NRXN3: variants seen among roughly 807,000 people sequenced by gnomAD.
NRXN3 encodes neurexin 3.
In NRXN3, 32 loss-of-function variants were observed where a neutral mutation model predicts 137.6. That is an observed-to-expected ratio of 0.23 (90% CI 0.18 to 0.31). The LOEUF (loss-of-function observed/expected upper bound fraction) is 0.31, where lower values mean the gene tolerates loss of function less well. NRXN3 is among the 10% of genes least tolerant of loss of function. The pLI, the probability that NRXN3 is intolerant of heterozygous loss-of-function variation, is 1.00. For missense variants in NRXN3, 1,574 were observed against 2,062.5 expected, an observed-to-expected ratio of 0.76 and a Z score of 4.59; for synonymous variants, 798 against 784.5, an observed-to-expected ratio of 1.02 and a Z score of -0.29.
intron 4 of NRXN3, among the ~76,000 whole-genome samples, chr14:78,459,451 C>T (rs1027242218): frequency 5.3e-5 from 8 of 152,186 alleles, no homozygotes; most frequent in Non-Finnish European, 5.9e-5. Flanking sequence ...ATCAGCCTCT[C>T]GTCCTGCTCC....
chr14:78,992,120 G>T (rs905691572), intron 15 of NRXN3, among the ~76,000 whole-genome samples: 1 of 152,174 alleles, frequency 6.6e-6, no homozygotes, highest in African/African-American at 2.4e-5. Context: ...CATAGTTTTA[G>T]ATATGACCTT....
intron 8 of NRXN3, among the ~76,000 whole-genome samples, chr14:78,764,714 G>T (rs1451203435): frequency 6.6e-6 from 1 of 152,150 alleles, no homozygotes; most frequent in African/African-American, 2.4e-5. Flanking sequence ...GGAAATGCGT[G>T]GTCATTTCCT....
intron 8 of NRXN3, among the ~76,000 whole-genome samples, chr14:78,717,082 C>CAACAAAG (rs2098437510): frequency 6.6e-6 from 1 of 152,136 alleles, no homozygotes; most frequent in African/African-American, 2.4e-5. Flanking sequence ...TGTTGCAGAT[C>CAACAAAG]TTCTGTTGTC....
chr14:79,836,416 C>T (rs981588535), intron 20 of NRXN3, among the ~76,000 whole-genome samples: 1 of 152,102 alleles, frequency 6.6e-6, no homozygotes, highest in East Asian at 1.9e-4. Context: ...GGAAATGTTA[C>T]ACTTGTAGTA....
chr14:78,854,428 CA>C (rs2099051167), intron 10 of NRXN3, among the ~76,000 whole-genome samples: 1 of 151,496 alleles, frequency 6.6e-6, no homozygotes, highest in Admixed American at 6.6e-5. Flanking sequence ...AATCGATAGG[CA>C]AAAAAAGATC....
intron 6 of NRXN3, among the ~76,000 whole-genome samples, chr14:78,699,270 G>A (rs1168563516): frequency 2.0e-5 from 3 of 149,642 alleles, no homozygotes; most frequent in African/African-American, 7.4e-5. Flanking sequence ...TGTGCTTCAA[G>A]TGGCGAATAG....
intron 16 of NRXN3, among the ~76,000 whole-genome samples, chr14:79,589,550 T>TAAAAAAAAAAAAAAAAAAAAAAAAAAAAA (rs58740411): frequency 1.1e-5 from 1 of 87,060 alleles, no homozygotes; most frequent in Non-Finnish European, 2.1e-5. Context: ...GTAGAATACC[T>TAAAAAAAAAAAAAAAAAAAAAAAAAAAAA]AAAAAAAAAA....
At chr14:79,186,925 C>T (rs1003202115) in intron 15 of NRXN3, among the ~76,000 whole-genome samples, 7 of 152,136 alleles carry the variant, frequency 4.6e-5, no homozygotes, top group South Asian at 4.2e-4. Context: ...GTTGCAGCAT[C>T]GATTCTGGCA....
At chr14:78,624,142 A>T in intron 4 of NRXN3, among the ~76,000 whole-genome samples, 1 of 152,232 alleles carries the variant, frequency 6.6e-6, no homozygotes, top group East Asian at 1.9e-4. Flanking sequence ...ATAGCTGAAT[A>T]GTCAAAATGC....
At chr14:79,483,678 G>C (rs2096628683) in intron 16 of NRXN3, among the ~76,000 whole-genome samples, 1 of 152,116 alleles carries the variant, frequency 6.6e-6, no homozygotes, top group Non-Finnish European at 1.5e-5. Context: ...TTGGTCAGAA[G>C]GCTTTGTGTG....
At chr14:79,509,649 A>C (rs2096913783) in intron 16 of NRXN3, among the ~76,000 whole-genome samples, 2 of 151,898 alleles carry the variant, frequency 1.3e-5, no homozygotes, top group Admixed American at 1.3e-4. Context: ...TTACCACTAA[A>C]AAAGATATGT....
intron 4 of NRXN3, among the ~76,000 whole-genome samples, chr14:78,341,098 T>C (rs993697396): frequency 6.6e-6 from 1 of 152,220 alleles, no homozygotes; most frequent in African/African-American, 2.4e-5. Flanking sequence ...GATTCACATT[T>C]AACTGGACAG....
At chr14:79,780,036 A>G (rs886320315) in intron 19 of NRXN3, among the ~76,000 whole-genome samples, 2 of 152,178 alleles carry the variant, frequency 1.3e-5, no homozygotes, top group Admixed American at 1.3e-4. Flanking sequence ...ACCCTTCTCT[A>G]TAATTTAAAT....
chr14:78,242,160 T>C (rs1311621017), intron 1 of NRXN3, among the ~76,000 whole-genome samples: 2 of 152,200 alleles, frequency 1.3e-5, no homozygotes, highest in East Asian at 3.8e-4. Flanking sequence ...GGGATTTTTA[T>C]TATTTTTACA....
At chr14:79,287,049 G>A (rs926509930) in intron 15 of NRXN3, among the ~76,000 whole-genome samples, 25 of 152,104 alleles carry the variant, frequency 1.6e-4, no homozygotes, top group African/African-American at 5.3e-4. Flanking sequence ...TGCACAAAGA[G>A]GAGCTTCAAT....
At chr14:78,498,606 G>A (rs1349074767) in intron 4 of NRXN3, among the ~76,000 whole-genome samples, 4 of 152,134 alleles carry the variant, frequency 2.6e-5, no homozygotes, top group Non-Finnish European at 4.4e-5. Flanking sequence ...GCAAGATACA[G>A]TGGTGGTGCA....
At chr14:79,297,847 C>T (rs557923730) in intron 15 of NRXN3, among the ~76,000 whole-genome samples, 14 of 152,156 alleles carry the variant, frequency 9.2e-5, no homozygotes, top group South Asian at 6.2e-4. Context: ...AAACCAGTAA[C>T]GGAGAGAAAA....
chr14:79,270,760 A>G (rs1299430772), intron 15 of NRXN3, among the ~76,000 whole-genome samples: 1 of 152,238 alleles, frequency 6.6e-6, no homozygotes, highest in Non-Finnish European at 1.5e-5. Flanking sequence ...CATCAATGCC[A>G]AAGTATTGTT....
chr14:78,908,221 A>G (rs575435311), intron 10 of NRXN3, among the ~76,000 whole-genome samples: 2 of 152,090 alleles, frequency 1.3e-5, no homozygotes, highest in East Asian at 1.9e-4. Flanking sequence ...ATTAAATTCA[A>G]TCCTCTTATT....
Sources: gnomAD v4.1 joint callset for allele counts (sites outside exome capture counted in the v4.1 genomes callset) on GRCh38, gnomAD v4.1.1 for gene constraint, MANE v1.5 for transcripts, NCBI Gene and HGNC (gene_info 2026-07-23, HGNC 2026-07-21) for gene names.